Variants in MALRD1 observed in about 807,000 individuals in gnomAD.
MALRD1 encodes MAM and LDL-receptor class A domain-containing protein 1.
A neutral mutation model predicts 242.1 loss-of-function variants in MALRD1; 247 were observed. The observed-to-expected ratio is 1.02, with a 90% CI of 0.92 to 1.13. MALRD1 has a LOEUF of 1.13. Among genes scored for constraint, MALRD1 ranks in the 50% most tolerant of loss-of-function variants. MALRD1 has a pLI of 0.00. For missense variants in MALRD1, 2,989 were observed against 2,533.1 expected, an observed-to-expected ratio of 1.18 and a Z score of -3.86; for synonymous variants, 995 against 866.6, an observed-to-expected ratio of 1.15 and a Z score of -2.60.
At chr10:19,351,631 C>G (rs895254834) in intron 25 of MALRD1, among the ~76,000 whole-genome samples, 15 of 152,116 alleles carry the variant, frequency 9.9e-5, no homozygotes, top group Non-Finnish European at 2.1e-4. Context: ...CCTGTTATTT[C>G]TTAATCATGA....
intron 12 of MALRD1, among the ~76,000 whole-genome samples, chr10:19,157,312 G>A (rs764820736): frequency 5.2e-5 from 7 of 135,766 alleles, no homozygotes; most frequent in African/African-American, 1.1e-4. Context: ...TCACTCTGTC[G>A]CCCAGGCTGG....
intron 5 of MALRD1, among the ~76,000 whole-genome samples, chr10:19,116,414 C>CT (rs1836871391): frequency 6.6e-6 from 1 of 152,064 alleles, no homozygotes; most frequent in African/African-American, 2.4e-5. Context: ...AACTAAGGAC[C>CT]TTTTTTATTT....
intron 38 of MALRD1, among the ~76,000 whole-genome samples, chr10:19,703,623 A>G (rs1008434020): frequency 2.6e-5 from 4 of 152,228 alleles, no homozygotes; most frequent in African/African-American, 9.6e-5. Flanking sequence ...GGTCTGGTGC[A>G]GTGGCTCACA....
At chr10:19,527,258 A>G (rs1834142450) in intron 31 of MALRD1, among the ~76,000 whole-genome samples, 1 of 152,174 alleles carries the variant, frequency 6.6e-6, no homozygotes, top group African/African-American at 2.4e-5. Flanking sequence ...ATTACAAAGG[A>G]TGGAGCATTT....
intron 38 of MALRD1, among the ~76,000 whole-genome samples, chr10:19,724,618 A>ATT (rs1834926432): frequency 6.6e-6 from 1 of 152,206 alleles, no homozygotes; most frequent in African/African-American, 2.4e-5. Flanking sequence ...ACTGTCCAAC[A>ATT]TTGCCATCAT....
At chr10:19,474,915 T>C (rs995468806) in intron 29 of MALRD1, among the ~76,000 whole-genome samples, 28 of 152,182 alleles carry the variant, frequency 1.8e-4, no homozygotes, top group South Asian at 6.2e-4. Flanking sequence ...ATGAATGTTA[T>C]ATAACATTTA....
At chr10:19,121,925 G>A (rs929703641) in intron 5 of MALRD1, among the ~76,000 whole-genome samples, 5 of 152,202 alleles carry the variant, frequency 3.3e-5, no homozygotes, top group African/African-American at 9.7e-5. Context: ...AAGCGGAAAA[G>A]GAAAGAATGA....
In MALRD1 at chr10:19,730,294, A is replaced by C. The variant is rs142309838; in HGVS notation, c.6315-412A>C. On this transcript the variant is annotated intron_variant, in intron 38 of 39. Transcript: ENST00000454679. The stretch of plus-strand genomic sequence containing the variant: ...ACTGTCATGGAAAACAGTCTTCAGG[A>C]TGTAGTGGTTTGGCACTGTGCAGTG... Among the ~76,000 whole-genome samples the C allele has an allele frequency of 2.0e-4, 30 of 152,310 alleles. No homozygotes were observed. The East Asian group carries it at 5.6e-3, about 28-fold the overall frequency.
At chr10:19,134,640 C>T (rs1481724337) in intron 9 of MALRD1, among the ~76,000 whole-genome samples, 2 of 152,228 alleles carry the variant, frequency 1.3e-5, no homozygotes, top group African/African-American at 2.4e-5. Context: ...TCCATTTATA[C>T]ATCCTATCAC....
At chr10:19,485,948 T>C (rs1353950177) in intron 29 of MALRD1, among the ~76,000 whole-genome samples, 2 of 152,050 alleles carry the variant, frequency 1.3e-5, no homozygotes, top group Non-Finnish European at 1.5e-5. Flanking sequence ...TAGTGATTAC[T>C]GTGAAAATCA....
At chr10:19,572,719 A>G (rs1051466340) in intron 33 of MALRD1, among the ~76,000 whole-genome samples, 8 of 152,170 alleles carry the variant, frequency 5.3e-5, no homozygotes, top group African/African-American at 1.9e-4. Flanking sequence ...CCCTAATCCA[A>G]TATGACCAAT....
chr10:19,264,509 A>G (rs1588808357), intron 19 of MALRD1, among the ~76,000 whole-genome samples: 1 of 144,450 alleles, frequency 6.9e-6, no homozygotes, highest in East Asian at 2.0e-4. Context: ...GCTAGAGTGC[A>G]GTGGCATGAT....
chr10:19,713,436 A>G (rs1834235617), intron 38 of MALRD1, among the ~76,000 whole-genome samples: 1 of 151,542 alleles, frequency 6.6e-6, no homozygotes, highest in African/African-American at 2.4e-5. Flanking sequence ...GTTGGAAAAT[A>G]AAAGACTTTG....
At chr10:19,512,325 G>A (rs1777922971) in intron 31 of MALRD1, among the ~76,000 whole-genome samples, 1 of 152,186 alleles carries the variant, frequency 6.6e-6, no homozygotes, top group Admixed American at 6.5e-5. Context: ...AAAGGCCTCA[G>A]TGACTATTTG....
intron 26 of MALRD1, among the ~76,000 whole-genome samples, chr10:19,362,286 C>T (rs1844927402): frequency 6.6e-6 from 1 of 152,038 alleles, no homozygotes; most frequent in East Asian, 1.9e-4. Context: ...TAATACTTTG[C>T]CTTTAATGGA....
Position 19,387,680 on chromosome 10 carries a change from A to G in MALRD1, c.4594A>G (p.Asn1532Asp). Residue 1532 changes from asparagine (N) to aspartate (D), a missense_variant, in exon 27 of 40, where the codon AAC (asparagine) becomes GAC (aspartate). Transcript: ENST00000454679. ...TGAAAAAGGCTGGTGTGGCTGGCAA[A>G]ACTCCCAGGCTGACAACTTTGATTG... ...TFEKGWCGWQ[N>D]SQADNFDWVL... 1.3e-6 allele frequency: 2 copies of G among 1,550,358 alleles called. No homozygotes were observed. The highest frequency in any genetic ancestry group is 1.4e-5 in the African/African-American group (1 of 73,132).
rs575796595 is a variant in MALRD1 at position 19,625,215 on chromosome 10, T to G, written c.6137+9292T>G. Among the ~76,000 whole-genome samples the G allele has an allele frequency of 3.0e-4, 46 of 152,316 alleles. No individual in the cohort carries two copies. The South Asian group carries it at 8.3e-3, about 27-fold the overall frequency. ...GATGTTGCCTCTTTGAAGATCTGAC[T>G]AGACGGCTTATGATTCTAGAGTTCC... On this transcript the variant is annotated intron_variant, in intron 36 of 39. Coordinates refer to ENST00000454679, the MANE Select transcript of MALRD1 (RefSeq NM_001142308.3).
At chr10:19,288,853 A>G (rs890895290) in intron 21 of MALRD1, among the ~76,000 whole-genome samples, 1 of 152,106 alleles carries the variant, frequency 6.6e-6, no homozygotes, top group African/African-American at 2.4e-5. Context: ...AAAGAAAACT[A>G]ATGGTGTCTC....
At chr10:19,312,901 G>A (rs1842491582) in intron 21 of MALRD1, among the ~76,000 whole-genome samples, 1 of 151,470 alleles carries the variant, frequency 6.6e-6, no homozygotes, top group African/African-American at 2.4e-5. Flanking sequence ...ATCAGTGGCT[G>A]AAAAGGAAAG....
Sources: allele counts gnomAD v4.1 joint callset (sites outside exome capture counted in the v4.1 genomes callset), GRCh38; gene constraint gnomAD v4.1.1; transcripts MANE v1.5; gene names NCBI Gene and HGNC (gene_info 2026-07-23, HGNC 2026-07-21).